Variants in GAREM1 observed in about 807,000 individuals in gnomAD.
The protein encoded by GAREM1 is GRB2-associated and regulator of MAPK protein 1.
Under a neutral mutation model 71.3 loss-of-function variants are expected in GAREM1, and 26 were observed. The observed-to-expected ratio is 0.36, with a 90% CI of 0.27 to 0.51. The LOEUF (loss-of-function observed/expected upper bound fraction) is 0.51. Among genes scored for constraint, GAREM1 ranks in the 20% least tolerant of loss-of-function variants. The pLI is 0.95. For missense variants in GAREM1, 1,026 were observed against 1,103.1 expected, an observed-to-expected ratio of 0.93 and a Z score of 0.99; for synonymous variants, 440 against 433.2, an observed-to-expected ratio of 1.02 and a Z score of -0.20.
chr18:32,321,439 C>T (rs552012023), intron 2 of GAREM1, among the ~76,000 whole-genome samples: 37 of 152,292 alleles, frequency 2.4e-4, no homozygotes, highest in African/African-American at 8.7e-4. Flanking sequence ...TCTTAGCCCT[C>T]CTGGGGGAAC....
chr18:32,380,474 T>TAAAAAAAAAAAAAAAA (rs35881689), intron 2 of GAREM1, among the ~76,000 whole-genome samples: 5 of 92,470 alleles, frequency 5.4e-5, no homozygotes, highest in Admixed American at 1.2e-4. Flanking sequence ...AGACTTCATT[T>TAAAAAAAAAAAAAAAA]AAAAAAAAAA....
intron 1 of GAREM1, among the ~76,000 whole-genome samples, chr18:32,444,729 G>A (rs1049779490): frequency 2.6e-5 from 4 of 152,040 alleles, no homozygotes; most frequent in Non-Finnish European, 4.4e-5. Context: ...AACCTGCCCC[G>A]ATGAATTAAC....
intron 2 of GAREM1, 104 bp downstream of exon 2, chr18:32,392,791 A>T: frequency 8.0e-7 from 1 of 1,244,516 alleles, no homozygotes; most frequent in East Asian, 2.4e-5. Context: ...TGATTCTCTA[A>T]GTCATTCTAC....
At chr18:32,458,170 T>G in intron 1 of GAREM1, among the ~76,000 whole-genome samples, 1 of 152,210 alleles carries the variant, frequency 6.6e-6, no homozygotes, top group South Asian at 2.1e-4. Flanking sequence ...ATTAAATATT[T>G]TTACAAACGT....
At position 32,271,023 on chromosome 18, in the gene GAREM1, C is replaced by CAGCTTCCCGAGAG. The variant is rs200435483; in HGVS notation, c.1567-653_1567-641dup. Among the ~76,000 whole-genome samples the CAGCTTCCCGAGAG allele has an allele frequency of 9.8e-3, 1,474 of 150,998 alleles. 29 individuals carry two copies. The highest frequency in any genetic ancestry group is 0.034 in the African/African-American group (1,406 of 41,056). ...CTGGGCTCAGGTGATCCTCCCACCTCAGCTTCCCGAGAGGTGGGACCACAG... is the reference window on the plus strand; with the variant it reads ...CTGGGCTCAGGTGATCCTCCCACCTCAGCTTCCCGAGAGAGCTTCCCGAGAGGTGGGACCACAG... On this transcript the variant is annotated intron_variant, in intron 4 of 5. Transcript: ENST00000269209.
intron 1 of GAREM1, among the ~76,000 whole-genome samples, chr18:32,405,985 C>G (rs903741631): frequency 6.6e-6 from 1 of 152,162 alleles, no homozygotes; most frequent in African/African-American, 2.4e-5. Context: ...ATACATAACC[C>G]TCAACACCAG....
intron 2 of GAREM1, among the ~76,000 whole-genome samples, chr18:32,334,244 A>G (rs955894791): frequency 6.6e-6 from 1 of 152,064 alleles, no homozygotes; most frequent in Non-Finnish European, 1.5e-5. Flanking sequence ...AGGGGGGCAC[A>G]TTTTCCAGGC....
chr18:32,429,705 T>C (rs1157022898), intron 1 of GAREM1, among the ~76,000 whole-genome samples: 3 of 152,210 alleles, frequency 2.0e-5, no homozygotes, highest in East Asian at 1.9e-4. Context: ...TTTTAATCTA[T>C]GCTGATAAAA....
chr18:32,468,625 G>T (rs1226032531), intron 1 of GAREM1, among the ~76,000 whole-genome samples: 1 of 152,188 alleles, frequency 6.6e-6, no homozygotes, highest in South Asian at 2.1e-4. Flanking sequence ...GAATGGCAGG[G>T]ATAGAAAAGT....
At chr18:32,379,829 G>A (rs796257151) in intron 2 of GAREM1, among the ~76,000 whole-genome samples, 1 of 152,236 alleles carries the variant, frequency 6.6e-6, no homozygotes, top group African/African-American at 2.4e-5. Context: ...ACAGATACAT[G>A]TGAAAATTTT....
At chr18:32,345,693 G>A (rs976677090) in intron 2 of GAREM1, among the ~76,000 whole-genome samples, 3 of 152,174 alleles carry the variant, frequency 2.0e-5, no homozygotes, top group Non-Finnish European at 4.4e-5. Context: ...ATTTCTGGCT[G>A]GGATTCACAT....
At chr18:32,386,213 T>C (rs972527170) in intron 2 of GAREM1, among the ~76,000 whole-genome samples, 1 of 152,232 alleles carries the variant, frequency 6.6e-6, no homozygotes, top group African/African-American at 2.4e-5. Flanking sequence ...GGATGATTCA[T>C]GCTAATTAAA....
chr18:32,452,881 G>A (rs541612308), intron 1 of GAREM1, among the ~76,000 whole-genome samples: 35 of 150,520 alleles, frequency 2.3e-4, no homozygotes, highest in African/African-American at 7.8e-4. Context: ...AACTTGGCAT[G>A]TTATTAACTA....
In GAREM1 at chr18:32,359,956, A is replaced by AT. The variant is rs3073261; in HGVS notation, c.262+32938_262+32939insA. 3.5e-3 allele frequency among the ~76,000 whole-genome samples: 533 copies of AT among 151,654 alleles called. 4 individuals are homozygous for AT. Among genetic ancestry groups the AT allele is most frequent in the African/African-American group, 0.011 (473 of 41,354 alleles). ...TATAAATAAATAAATAAATAAATAA[A>AT]AAATTGAATAAATAAAAAGAATCAC... On this transcript the variant is annotated intron_variant, in intron 2 of 5. Coordinates refer to ENST00000269209, the MANE Select transcript of GAREM1 (RefSeq NM_001242409.2).
At chr18:32,448,569 G>A (rs2048804813) in intron 1 of GAREM1, among the ~76,000 whole-genome samples, 1 of 152,044 alleles carries the variant, frequency 6.6e-6, no homozygotes, top group African/African-American at 2.4e-5. Flanking sequence ...AATACCAGAA[G>A]CAGAGGCTCT....
At chr18:32,269,703 G>C (rs1006202722) in intron 5 of GAREM1, among the ~76,000 whole-genome samples, 1 of 152,146 alleles carries the variant, frequency 6.6e-6, no homozygotes, top group Non-Finnish European at 1.5e-5. Flanking sequence ...ACAATGGAAT[G>C]AGCTGTGTTG....
At chr18:32,366,240 T>C (rs1293686731) in intron 2 of GAREM1, among the ~76,000 whole-genome samples, 1 of 152,134 alleles carries the variant, frequency 6.6e-6, no homozygotes, top group Middle Eastern at 3.2e-3. Flanking sequence ...AACAGTCCCA[T>C]AGCACCTAGT....
intron 2 of GAREM1, among the ~76,000 whole-genome samples, chr18:32,390,836 A>T (rs1423320570): frequency 2.6e-5 from 4 of 152,170 alleles, no homozygotes; most frequent in African/African-American, 9.7e-5. Flanking sequence ...TAAAATTCTG[A>T]TATCCAGCCA....
chr18:32,386,875 T>A (rs75135763), intron 2 of GAREM1, among the ~76,000 whole-genome samples: 5,136 of 152,274 alleles, frequency 0.034, 128 homozygotes, highest in East Asian at 0.11. Context: ...CTGAGCCATT[T>A]ACGCAAGTTA....
Sources: gnomAD v4.1 joint callset for allele counts (sites outside exome capture counted in the v4.1 genomes callset) on GRCh38, gnomAD v4.1.1 for gene constraint, MANE v1.5 for transcripts, NCBI Gene and HGNC (gene_info 2026-07-23, HGNC 2026-07-21) for gene names.